The following SH2B3 variants were observed in gnomAD, a reference collection of about 807,000 sequenced individuals.
The protein encoded by SH2B3 is SH2B adaptor protein 3, also known as SH2B adapter protein 3.
A neutral mutation model predicts 51.9 loss-of-function variants in SH2B3; 43 were observed. That is an observed-to-expected ratio of 0.83 (90% CI 0.65 to 1.07). The LOEUF (loss-of-function observed/expected upper bound fraction) is 1.07, where lower values mean the gene tolerates loss of function less well. SH2B3 is among the 50% of genes least tolerant of loss of function. SH2B3 has a pLI of 0.00. For missense variants in SH2B3, 952 were observed against 834.3 expected (o/e 1.14, Z -1.74); for synonymous variants, 396 against 376.0 (o/e 1.05, Z -0.62).
In SH2B3 at chr12:111,448,284, T is replaced by C. The variant is rs1054820799; in HGVS notation, c.1710T>C (p.Asn570=). ...SSRSHLRAID[N]QYTPL ...GGAGCCACCTGCGGGCCATAGACAATCAGTACACACCTCTCTGACCAGTGA... is the reference window on the plus strand; with the variant it reads ...GGAGCCACCTGCGGGCCATAGACAACCAGTACACACCTCTCTGACCAGTGA... Residue 570 remains asparagine, a synonymous_variant, in exon 8 of 8, where the codon AAT becomes AAC. Transcript: ENST00000341259. 77 of 1,612,704 alleles carry C rather than the reference T, an allele frequency of 4.8e-5. No homozygotes were observed. Among genetic ancestry groups the C allele is most frequent in the Non-Finnish European group, 6.3e-5 (74 of 1,179,252 alleles).
rs1872326658 is a variant in SH2B3 at position 111,429,924 on chromosome 12, C to T, written c.732+11047C>T. Among the ~76,000 whole-genome samples, 1 of 152,166 alleles carries T rather than the reference C, an allele frequency of 6.6e-6. No homozygotes were observed. Among genetic ancestry groups the T allele is most frequent in the Non-Finnish European group, 1.5e-5 (1 of 68,030 alleles). On this transcript the variant is annotated intron_variant, in intron 2 of 7. Coordinates refer to ENST00000341259, the MANE Select transcript of SH2B3 (RefSeq NM_005475.3). The surrounding 1 kb of genome is among the most constrained non-coding windows in gnomAD (Gnocchi z 4.4). ...AAGCACCCACCCTCCACCGTCAGAA[C>T]GAGCCTGTATCCCGGCAAGCAGGGC...
Position 111,447,731 on chromosome 12 carries a change from C to G in SH2B3, c.1312C>G (p.Leu438Val), listed in dbSNP as rs746280857. The change falls in exon 7 of 8, where the codon CTC becomes GTC. Residue 438 changes from leucine to valine, a missense_variant. Physicochemically the swap from Leu to Val is conservative, Grantham distance 32. Transcript: ENST00000341259. ...HLHFPSVVDM[L>V]HHFQRSPIPL... is the part of the protein sequence containing the mutation. ...CCACTTTCCCTCGGTCGTGGACATG[C>G]TCCACCACTTCCAGCGCTCGCCCAT... is the stretch of plus-strand genomic sequence containing the variant. 9.3e-6 allele frequency: 15 copies of G among 1,613,992 alleles called. No individual in the cohort carries two copies. The highest frequency in any genetic ancestry group is 1.2e-5 in the Non-Finnish European group (14 of 1,180,008).
chr12:111,436,899 C>T (rs899150742), intron 2 of SH2B3, among the ~76,000 whole-genome samples: 1 of 151,832 alleles, frequency 6.6e-6, no homozygotes, highest in African/African-American at 2.4e-5. Context: ...AATCACTTCC[C>T]CCGCCCCCCT....
intron 2 of SH2B3, chr12:111,444,931 T>C: frequency 1.0e-6 from 1 of 953,908 alleles, no homozygotes; most frequent in Non-Finnish European, 1.2e-6. Flanking sequence ...CCTGGGCGGC[T>C]CTCAAGGGCT....
At position 111,407,196 on chromosome 12, in the gene SH2B3, T is replaced by C. The variant is rs1337169680; in HGVS notation, c.-28+919T>C. ...TTCCCCATTCCCAGCCACAATGATGTAGGTGAGGAGGTCACTGCCTGCAGC... is the reference window on the plus strand; with the variant it reads ...TTCCCCATTCCCAGCCACAATGATGCAGGTGAGGAGGTCACTGCCTGCAGC... On this transcript the variant is annotated intron_variant, in intron 1 of 7. Coordinates refer to ENST00000341259, the MANE Select transcript of SH2B3 (RefSeq NM_005475.3). The surrounding 1 kb of genome is among the most constrained non-coding windows in gnomAD (Gnocchi z 4.3). Among the ~76,000 whole-genome samples the C allele has an allele frequency of 1.3e-5, 2 of 152,116 alleles. No homozygotes were observed. The highest frequency in any genetic ancestry group is 2.9e-5 in the Non-Finnish European group (2 of 68,014).
In SH2B3 at chr12:111,409,261, A is replaced by G. The variant is rs1397590589; in HGVS notation, c.-28+2984A>G. On this transcript the variant is annotated intron_variant, in intron 1 of 7. Coordinates refer to ENST00000341259, the MANE Select transcript of SH2B3 (RefSeq NM_005475.3). The surrounding 1 kb of genome is among the most constrained non-coding windows in gnomAD (Gnocchi z 4.0). ...AGCCACAGGTCTTTTTGTCTATGAAATAGGGGGGTTGCCAACTCCCTGTTA... is the reference window on the plus strand; with the variant it reads ...AGCCACAGGTCTTTTTGTCTATGAAGTAGGGGGGTTGCCAACTCCCTGTTA... Among the ~76,000 whole-genome samples, 3 of 152,192 alleles carry G rather than the reference A, an allele frequency of 2.0e-5. No individual in the cohort carries two copies. Among genetic ancestry groups the G allele is most frequent in the Non-Finnish European group, 4.4e-5 (3 of 68,034 alleles).
At position 111,447,743 on chromosome 12, in the gene SH2B3, C is replaced by T. The variant is rs772675280; in HGVS notation, c.1324C>T (p.Gln442Ter). 3 of 1,614,130 alleles carry T rather than the reference C, an allele frequency of 1.9e-6. No homozygotes were observed. The highest frequency in any genetic ancestry group is 1.7e-6 in the Non-Finnish European group (2 of 1,180,038). The change falls in exon 7 of 8, where the codon CAG becomes TAG. Residue 442 changes from glutamine (Q) to a stop codon, truncating the protein, a stop_gained. Coordinates refer to ENST00000341259, the MANE Select transcript of SH2B3 (RefSeq NM_005475.3). LOFTEE classifies it high-confidence loss of function. ...PSVVDMLHHFQRSPIPLECGA... is the reference protein window; with the variant it reads ...PSVVDMLHHF ...GGTCGTGGACATGCTCCACCACTTCCAGCGCTCGCCCATCCCACTCGAGTG... is the reference window on the plus strand; with the variant it reads ...GGTCGTGGACATGCTCCACCACTTCTAGCGCTCGCCCATCCCACTCGAGTG...
chr12:111,414,868 A>ACCT (rs1870967522), intron 1 of SH2B3, among the ~76,000 whole-genome samples: 7 of 152,182 alleles, frequency 4.6e-5, no homozygotes, highest in Admixed American at 4.6e-4. Flanking sequence ...GGTTCCTTAC[A>ACCT]AGGTGGATGC....
At chr12:111,423,722 C>A (rs1291238301) in intron 2 of SH2B3, among the ~76,000 whole-genome samples, 1 of 152,176 alleles carries the variant, frequency 6.6e-6, no homozygotes, top group Non-Finnish European at 1.5e-5. Context: ...GTGGCTCATG[C>A]CAGTAATCCC....
Position 111,448,413 on chromosome 12 carries a change from ACTGTTAACTG to A in SH2B3, c.*114_*123del. The A allele has an allele frequency of 1.2e-6, 1 of 855,502 alleles. No homozygotes were observed. The highest frequency in any genetic ancestry group is 1.8e-6 in the Non-Finnish European group (1 of 556,568). The allele number at this position is 855,502 out of a possible 1,614,324, so 53.0% of individuals were successfully genotyped here. A position where few individuals can be genotyped will look rare whatever the true frequency, so the allele number is the denominator to read the frequency against. Reference sequence around the variant, plus strand: ...CCTTCCAGAGAAAGATTTAAGGGACACTGTTAACTGCTCGTGCCAGTTTGGAAGTGACCCT... The same window carrying A: ...CCTTCCAGAGAAAGATTTAAGGGACACTCGTGCCAGTTTGGAAGTGACCCT... On this transcript the variant is annotated 3_prime_UTR_variant, in exon 8 of 8. Coordinates refer to ENST00000341259, the MANE Select transcript of SH2B3 (RefSeq NM_005475.3).
At chr12:111,445,137 T>G (rs1214180019) in intron 2 of SH2B3, among the ~76,000 whole-genome samples, 2 of 152,108 alleles carry the variant, frequency 1.3e-5, no homozygotes, top group African/African-American at 4.8e-5. Context: ...CTGGTTAATC[T>G]CAGCACTGAC....
At chr12:111,420,006 T>G (rs1229334455) in intron 2 of SH2B3, among the ~76,000 whole-genome samples, 1 of 152,176 alleles carries the variant, frequency 6.6e-6, no homozygotes, top group Non-Finnish European at 1.5e-5. Context: ...CCTTTTTGCC[T>G]TCACATTTGG....
rs1188526796 is a variant in SH2B3, at chr12:111,429,958, C to A, written c.732+11081C>A. On this transcript the variant is annotated intron_variant, in intron 2 of 7. Transcript: ENST00000341259. The surrounding 1 kb of genome is among the most constrained non-coding windows in gnomAD (Gnocchi z 4.4). ...ATCCCGGCAAGCAGGGCAGACTGAG[C>A]CCTGGTCTTGGCAGGCAGGCAGAGC... Among the ~76,000 whole-genome samples the A allele has an allele frequency of 2.0e-5, 3 of 152,206 alleles. No homozygotes were observed. The highest frequency in any genetic ancestry group is 4.4e-5 in the Non-Finnish European group (3 of 68,034).
Position 111,418,155 on chromosome 12 carries a change from C to A in SH2B3, c.10C>A (p.Pro4Thr), listed in dbSNP as rs767790633. 7.2e-6 allele frequency: 11 copies of A among 1,522,724 alleles called. No homozygotes were observed. Among genetic ancestry groups the A allele is most frequent in the Non-Finnish European group, 9.6e-6 (11 of 1,150,122 alleles). 94.3% of individuals were successfully genotyped at this position (1,522,724 alleles called of 1,614,324 possible). The change falls in exon 2 of 8, where the codon CCT (proline) becomes ACT (threonine). Residue 4 changes from proline to threonine, a missense_variant. Pro to Thr is a conservative substitution (Grantham distance 38, BLOSUM62 -1). Transcript: ENST00000341259. This position sits in a 1 kb window ranked among gnomAD's most constrained non-coding sequence, Gnocchi z 6.7. ...CACCTGGGTCTCCGCCATGAACGGG[C>A]CTGCCCTGCAGCCCTCCTCGCCCTC... MNG[P>T]ALQPSSPSSA...
Position 111,418,178 on chromosome 12 carries a change from C to G in SH2B3, c.33C>G (p.Pro11=). 1 of 1,556,276 alleles carries G rather than the reference C, an allele frequency of 6.4e-7. No individual in the cohort carries two copies. Among genetic ancestry groups the G allele is most frequent in the Non-Finnish European group, 8.6e-7 (1 of 1,164,324 alleles). MNGPALQPSS[P]SSAPSASPAA... is the part of the protein sequence containing the mutation. The stretch of plus-strand genomic sequence containing the variant: ...GGCCTGCCCTGCAGCCCTCCTCGCC[C>G]TCTTCCGCGCCCTCAGCCTCCCCGG... Residue 11 remains proline, a synonymous_variant, in exon 2 of 8, where the codon CCC becomes CCG. Coordinates refer to ENST00000341259, the MANE Select transcript of SH2B3 (RefSeq NM_005475.3). The surrounding 1 kb of genome is among the most constrained non-coding windows in gnomAD (Gnocchi z 6.7).
intron 2 of SH2B3, among the ~76,000 whole-genome samples, chr12:111,442,333 G>GT (rs1873494069): frequency 6.6e-6 from 1 of 152,206 alleles, no homozygotes; most frequent in Admixed American, 6.5e-5. Flanking sequence ...TCAAAGGTAA[G>GT]TAAGTGGTAG....
Position 111,447,488 on chromosome 12 carries a change from A to C in SH2B3, c.1180A>C (p.Ser394Arg). ...DAHGVFLVRQSETRRGEYVLT... is the reference protein window; with the variant it reads ...DAHGVFLVRQRETRRGEYVLT... ...TCATGGAGTGTTCCTGGTGCGGCAG[A>C]GCGAGACGCGGCGTGGGGAATACGT... The change falls in exon 6 of 8, where the codon AGC (serine) becomes CGC (arginine). Residue 394 changes from serine (S) to arginine (R), a missense_variant. Ser to Arg is a moderately radical substitution (Grantham distance 110, BLOSUM62 -1). Coordinates refer to ENST00000341259, the MANE Select transcript of SH2B3 (RefSeq NM_005475.3). 6.5e-7 allele frequency: 1 copy of C among 1,548,956 alleles called. No individual in the cohort carries two copies. Among genetic ancestry groups the C allele is most frequent in the Non-Finnish European group, 8.7e-7 (1 of 1,148,894 alleles).
chr12:111,440,477 A>T (rs554941630), intron 2 of SH2B3, among the ~76,000 whole-genome samples: 10 of 152,298 alleles, frequency 6.6e-5, no homozygotes, highest in Admixed American at 2.0e-4. Context: ...CGGCCTGTGA[A>T]TTCCACAATC....
Position 111,446,830 on chromosome 12 carries a change from C to T in SH2B3, c.810C>T (p.Asp270=). The change falls in exon 3 of 8, where the codon GAC becomes GAT. Residue 270 remains aspartate (D), a synonymous_variant. Transcript: ENST00000341259. ...VRWCTRLEMP[D]NLYTFVLKVK... ...GGTGCACACGGCTTGAGATGCCTGA[C>T]AACCTTTACACCTTTGTGCTGAAGG... The T allele has an allele frequency of 6.3e-7, 1 of 1,591,164 alleles. No individual in the cohort carries two copies. The highest frequency in any genetic ancestry group is 8.6e-7 in the Non-Finnish European group (1 of 1,165,640).
Sources: gnomAD v4.1 joint callset for allele counts (sites outside exome capture counted in the v4.1 genomes callset) on GRCh38, gnomAD v4.1.1 for gene constraint, Gnocchi (gnomAD v3.1) non-coding constraint, MANE v1.5 for transcripts, NCBI Gene and HGNC (gene_info 2026-07-23, HGNC 2026-07-21) for gene names.